SIL1: variants seen among roughly 807,000 people sequenced by gnomAD.
The protein encoded by SIL1 is nucleotide exchange factor SIL1.
Under a neutral mutation model 49.1 loss-of-function variants are expected in SIL1, and 40 were observed. The ratio of observed to expected loss-of-function variants is 0.81; its 90% confidence interval spans 0.63 to 1.06. The LOEUF (loss-of-function observed/expected upper bound fraction) is 1.06, where lower values mean the gene tolerates loss of function less well. SIL1 is among the 50% of genes least tolerant of loss of function. The probability of loss-of-function intolerance (pLI) is 0.00; values close to 1 mark genes in which losing one functional copy is unlikely to be tolerated. For synonymous variants in SIL1, 253 were observed against 250.8 expected, an observed-to-expected ratio of 1.01 and a Z score of -0.08; for missense variants, 500 against 572.6, an observed-to-expected ratio of 0.87 and a Z score of 1.29.
intron 1 of SIL1, among the ~76,000 whole-genome samples, chr5:139,194,971 C>A (rs181845638): frequency 6.6e-6 from 1 of 151,998 alleles, no homozygotes; most frequent in African/African-American, 2.4e-5. Context: ...GCTCTATCAC[C>A]CAGGCTGGAG....
intron 3 of SIL1, among the ~76,000 whole-genome samples, chr5:139,085,254 G>A (rs1770189803): frequency 6.6e-6 from 1 of 152,150 alleles, no homozygotes; most frequent in Non-Finnish European, 1.5e-5. Flanking sequence ...AAAATGAAGT[G>A]AGTGTGTACA....
At chr5:139,197,131 G>A (rs1435785472) in intron 1 of SIL1, among the ~76,000 whole-genome samples, 1 of 152,138 alleles carries the variant, frequency 6.6e-6, no homozygotes, top group African/African-American at 2.4e-5. Flanking sequence ...AGCCGGGCAC[G>A]ATGGCGCATG....
intron 3 of SIL1, among the ~76,000 whole-genome samples, chr5:139,111,715 C>T (rs1419670440): frequency 6.6e-6 from 1 of 152,214 alleles, no homozygotes; most frequent in African/African-American, 2.4e-5. Context: ...CTTCTACTAT[C>T]AAACTCCTCA....
chr5:139,138,153 A>T (rs1751012898), intron 1 of SIL1, among the ~76,000 whole-genome samples: 1 of 151,792 alleles, frequency 6.6e-6, no homozygotes. Context: ...ATACACACAC[A>T]CACACACACA....
chr5:139,079,244 G>A (rs911206497), intron 3 of SIL1, among the ~76,000 whole-genome samples: 3 of 152,064 alleles, frequency 2.0e-5, no homozygotes, highest in African/African-American at 7.2e-5. Flanking sequence ...GGCCCCTTTG[G>A]GGGACTCAAA....
At chr5:139,068,410 C>T (rs1418769073) in intron 3 of SIL1, among the ~76,000 whole-genome samples, 1 of 152,030 alleles carries the variant, frequency 6.6e-6, no homozygotes, top group African/African-American at 2.4e-5. Context: ...TGTCTAGTCC[C>T]CTGAACTCTC....
intron 1 of SIL1, among the ~76,000 whole-genome samples, chr5:139,130,185 C>T (rs535993955): frequency 4.6e-5 from 7 of 152,014 alleles, no homozygotes; most frequent in South Asian, 2.1e-4. Context: ...TTAGGAGGCT[C>T]GGGTGAGAAG....
intron 1 of SIL1, among the ~76,000 whole-genome samples, chr5:139,135,620 T>C (rs1455184345): frequency 6.6e-6 from 1 of 151,732 alleles, no homozygotes; most frequent in Non-Finnish European, 1.5e-5. Flanking sequence ...GCCCTTTCTC[T>C]GTACTCCCAG....
intron 7 of SIL1, among the ~76,000 whole-genome samples, chr5:139,002,642 G>C (rs1768012889): frequency 6.6e-6 from 1 of 152,150 alleles, no homozygotes; most frequent in African/African-American, 2.4e-5. Flanking sequence ...GAAACATAAA[G>C]AGCTGTATTG....
At position 139,038,817 on chromosome 5, in the gene SIL1, C is replaced by T. The variant is rs373212406; in HGVS notation, c.453+3803G>A. ...CTTCTCACTTATTCCACTGGCCCCG[C>T]CCCAGAGAGGGAAGCAGAATGCTGC... On this transcript the variant is annotated intron_variant, in intron 5 of 9. Coordinates refer to ENST00000394817, the MANE Select transcript of SIL1 (RefSeq NM_022464.5). 3.9e-5 allele frequency among the ~76,000 whole-genome samples: 6 copies of T among 152,316 alleles called. No homozygotes were observed. The East Asian group carries it at 5.8e-4, about 15-fold the overall frequency.
chr5:139,090,343 T>G (rs1770316075), intron 3 of SIL1, among the ~76,000 whole-genome samples: 2 of 152,236 alleles, frequency 1.3e-5, no homozygotes, highest in South Asian at 4.1e-4. Context: ...CTTCTCAGGA[T>G]GCTCTTGATT....
intron 2 of SIL1, among the ~76,000 whole-genome samples, chr5:139,127,008 G>A (rs1163610426): frequency 6.6e-6 from 1 of 152,186 alleles, no homozygotes; most frequent in Non-Finnish European, 1.5e-5. Context: ...GCAGGCTGTT[G>A]CTGGGACAAG....
chr5:139,166,257 T>A (rs537677743), intron 1 of SIL1, among the ~76,000 whole-genome samples: 1 of 152,344 alleles, frequency 6.6e-6, no homozygotes, highest in South Asian at 2.1e-4. Context: ...AACAGACCAC[T>A]TATACGACAG....
chr5:139,155,264 G>A (rs1751383407), intron 1 of SIL1: 3 of 152,170 alleles, frequency 2.0e-5, no homozygotes, highest in Non-Finnish European at 2.9e-5. Flanking sequence ...GCCTGCTCAG[G>A]CTGCTCTAAC....
chr5:139,161,504 C>A (rs1033267421), intron 1 of SIL1, among the ~76,000 whole-genome samples: 1 of 152,172 alleles, frequency 6.6e-6, no homozygotes, highest in Non-Finnish European at 1.5e-5. Flanking sequence ...GTTCTCAACA[C>A]ACAAAGAATT....
chr5:139,049,635 T>A (rs748113350), intron 4 of SIL1, among the ~76,000 whole-genome samples: 30 of 151,832 alleles, frequency 2.0e-4, no homozygotes, highest in Non-Finnish European at 3.4e-4. Context: ...CAAAAAAATT[T>A]AAAAAAATTA....
intron 7 of SIL1, among the ~76,000 whole-genome samples, chr5:139,015,266 T>C (rs987146259): frequency 5.9e-5 from 9 of 152,112 alleles, no homozygotes; most frequent in African/African-American, 2.2e-4. Flanking sequence ...ATAAGGGAGA[T>C]TAACAGTAAA....
rs57192731 is a variant in SIL1 at position 139,102,862 on chromosome 5, G to C, written c.244+18173C>G. On this transcript the variant is annotated intron_variant, in intron 3 of 9. Coordinates refer to ENST00000394817, the MANE Select transcript of SIL1 (RefSeq NM_022464.5). Reference sequence around the variant, plus strand: ...CCTGAGTAGCTGGGATTACAGGCATGCACCACCACGCCTGGCTAATTTTGT... The same window carrying C: ...CCTGAGTAGCTGGGATTACAGGCATCCACCACCACGCCTGGCTAATTTTGT... Among the ~76,000 whole-genome samples, 827 of 152,090 alleles carry C rather than the reference G, an allele frequency of 5.4e-3. 3 individuals are homozygous for C. Among genetic ancestry groups the C allele is most frequent in the African/African-American group, 0.019 (792 of 41,482 alleles).
chr5:139,035,642 C>CTTTTTTTT (rs759319838), intron 5 of SIL1: 5 of 153,098 alleles, frequency 3.3e-5, no homozygotes, highest in African/African-American at 9.6e-5. Context: ...AGGTATACAA[C>CTTTTTTTT]TTTTTTTTTT....
Sources: gnomAD v4.1 joint callset for allele counts (sites outside exome capture counted in the v4.1 genomes callset) on GRCh38, gnomAD v4.1.1 for gene constraint, MANE v1.5 for transcripts, NCBI Gene and HGNC (gene_info 2026-07-23, HGNC 2026-07-21) for gene names.